HMCN2: variants seen among roughly 807,000 people sequenced by gnomAD.
HMCN2 encodes the protein hemicentin-2.
In HMCN2, 325 loss-of-function variants were observed where a neutral mutation model predicts 377.5. The ratio of observed to expected loss-of-function variants is 0.86; its 90% CI spans 0.79 to 0.94. The LOEUF (loss-of-function observed/expected upper bound fraction) is 0.94, where lower values mean the gene tolerates loss of function less well. Ranked by LOEUF, HMCN2 falls within the 40% of genes least tolerant of loss-of-function variation. The probability of loss-of-function intolerance (pLI) is 0.00; values close to 1 mark genes in which losing one functional copy is unlikely to be tolerated. For synonymous variants in HMCN2, 2,007 were observed against 2,046.8 expected (o/e 0.98, Z 0.53); for missense variants, 4,543 against 4,725.3 (o/e 0.96, Z 1.13).
rs780628746 is a variant in HMCN2, at chr9:130,351,399, C to CT, written c.4431-20dup. The stretch of plus-strand genomic sequence containing the variant: ...ATCCAGCCCCTCGGCCTTACTGGCG[C>CT]TTTTCCCTTGCCCGTCTCTCCAGGC... On this transcript the variant is annotated intron_variant, in intron 29 of 97. Transcript: ENST00000683500. The surrounding 1 kb of genome is among the most constrained non-coding windows in gnomAD (Gnocchi z 5.4). The CT allele has an allele frequency of 8.5e-6, 11 of 1,292,902 alleles. No individual in the cohort carries two copies. The highest frequency in any genetic ancestry group is 2.3e-5 in the Admixed American group (1 of 43,108). The allele number at this position is 1,292,902 out of a possible 1,614,324, so 80.1% of individuals were successfully genotyped here.
intron 1 of HMCN2, among the ~76,000 whole-genome samples, chr9:130,269,266 C>CTT (rs56326154): frequency 3.4e-5 from 4 of 116,540 alleles, no homozygotes; most frequent in East Asian, 2.5e-4. Flanking sequence ...GCCCTGGTTC[C>CTT]TTTTTTTTTT....
At chr9:130,358,279 C>A in intron 35 of HMCN2, 111 bp from the exon 36 acceptor site, 1 of 1,233,102 alleles carries the variant, frequency 8.1e-7, no homozygotes, top group Non-Finnish European at 1.1e-6. Flanking sequence ...CCAAAAGTGT[C>A]CCCATGCCTC....
intron 25 of HMCN2, among the ~76,000 whole-genome samples, chr9:130,346,298 T>G (rs1839388522): frequency 6.6e-6 from 1 of 152,084 alleles, no homozygotes; most frequent in South Asian, 2.1e-4. Context: ...TCAGCTCACA[T>G]AGGACCCCCT....
In HMCN2 at chr9:130,427,424, G is replaced by A. The variant is rs748893219; in HGVS notation, c.13942+49G>A. 2.6e-6 allele frequency: 4 copies of A among 1,550,398 alleles called. No individual in the cohort carries two copies. The South Asian group carries it at 3.6e-5, about 14-fold the overall frequency. On this transcript the variant is annotated intron_variant, in intron 91 of 97. Coordinates refer to ENST00000683500, the MANE Select transcript of HMCN2 (RefSeq NM_001291815.2). ...GGATGTGGGAGGCCTCTCAGCCTGG[G>A]ATGGATGGCTTCTCCCAGCCAGCTG...
chr9:130,293,319 C>T (rs1473642994), intron 4 of HMCN2, among the ~76,000 whole-genome samples: 1 of 62,724 alleles, frequency 1.6e-5, no homozygotes, highest in African/African-American at 1.1e-4. Context: ...TGTTGTCCTC[C>T]TACTGAGAAA....
At chr9:130,348,890 T>C in intron 27 of HMCN2, 94 bp from the exon 28 acceptor site, 1 of 1,229,582 alleles carries the variant, frequency 8.1e-7, no homozygotes, top group South Asian at 1.4e-5. Flanking sequence ...TTCTGGCCAC[T>C]GGCCACCTCT....
chr9:130,352,698 CTG>C (rs1839799326), intron 30 of HMCN2, among the ~76,000 whole-genome samples: 1 of 152,128 alleles, frequency 6.6e-6, no homozygotes. Flanking sequence ...GAATCCAAGC[CTG>C]TGGCCCCGCC....
At position 130,304,240 on chromosome 9, in the gene HMCN2, C is replaced by A. The variant is rs1452846688; in HGVS notation, c.1544-490C>A. Among the ~76,000 whole-genome samples, 1 of 152,162 alleles carries A rather than the reference C, an allele frequency of 6.6e-6. No individual in the cohort carries two copies. The highest frequency in any genetic ancestry group is 1.5e-5 in the Non-Finnish European group (1 of 68,026). On this transcript the variant is annotated intron_variant, in intron 10 of 97. Transcript: ENST00000683500. The surrounding 1 kb of genome is among the most constrained non-coding windows in gnomAD (Gnocchi z 4.3). Reference sequence around the variant, plus strand: ...TTTTCTATGTTCAGCAGTCTCTGATCTTGCCACTTCTTGTGGCTTTTTGCT... The same window carrying A: ...TTTTCTATGTTCAGCAGTCTCTGATATTGCCACTTCTTGTGGCTTTTTGCT...
intron 46 of HMCN2, 127 bp downstream of exon 46, chr9:130,371,258 G>T: frequency 2.5e-6 from 1 of 407,670 alleles, no homozygotes; most frequent in Non-Finnish European, 3.3e-6. Context: ...CATTCCAGCT[G>T]CTGGTCCCCA....
In HMCN2 at chr9:130,392,952, T is replaced by C. The variant is rs542036409; in HGVS notation, c.10137-260T>C. ...CGGAGCTTGCAGTGAGCCGAGATCGTGCCACTGCACTCCAGCCTGGGTGAC... is the reference window on the plus strand; with the variant it reads ...CGGAGCTTGCAGTGAGCCGAGATCGCGCCACTGCACTCCAGCCTGGGTGAC... On this transcript the variant is annotated intron_variant, in intron 66 of 97. Transcript: ENST00000683500. 1.5e-3 allele frequency among the ~76,000 whole-genome samples: 226 copies of C among 150,330 alleles called. 1 individual carries two copies. In the East Asian group the frequency reaches 0.029, roughly 20 times the overall value.
At position 130,347,684 on chromosome 9, in the gene HMCN2, A is replaced by T. The variant is rs1361521664; in HGVS notation, c.4024+324A>T. The stretch of plus-strand genomic sequence containing the variant: ...TGGGGGAAGCACCTGGAATTCCATC[A>T]GTGTCTTTGAGATTGGTCTAGAGGT... On this transcript the variant is annotated intron_variant, in intron 26 of 97. Transcript: ENST00000683500. This position sits in a 1 kb window ranked among gnomAD's most constrained non-coding sequence, Gnocchi z 5.1. Among the ~76,000 whole-genome samples the T allele has an allele frequency of 6.6e-6, 1 of 152,022 alleles. No individual in the cohort carries two copies.
intron 22 of HMCN2, among the ~76,000 whole-genome samples, chr9:130,327,889 G>GTGTCTGGCGGCTGGGC (rs1787746005): frequency 6.6e-6 from 1 of 152,176 alleles, no homozygotes; most frequent in African/African-American, 2.4e-5. Context: ...TGCAGACCAG[G>GTGTCTGGCGGCTGGGC]TGTCTGGCGG....
rs771584645 is a variant in HMCN2 at position 130,356,222 on chromosome 9, G to A, written c.5390G>A (p.Gly1797Asp). Residue 1797 changes from glycine (G) to aspartate (D), a missense_variant, in exon 34 of 98, where the codon GGC (glycine) becomes GAC (aspartate). This residue lies in a region of HMCN2 where 1,032 missense variants were observed against 1,285.1 expected (regional missense o/e 0.80). Coordinates refer to ENST00000683500, the MANE Select transcript of HMCN2 (RefSeq NM_001291815.2). ...LFACQATNEA[G>D]TAGAEVEVSV... is the part of the protein sequence containing the mutation. The stretch of plus-strand genomic sequence containing the variant: ...GCCTGCCAGGCCACCAATGAGGCGG[G>A]CACTGCCGGGGCCGAGGTGGAGGTG... 1.5e-6 allele frequency: 2 copies of A among 1,302,594 alleles called. No individual in the cohort carries two copies. Among genetic ancestry groups the A allele is most frequent in the Middle Eastern group, 2.2e-4 (1 of 4,534 alleles). The allele number at this position is 1,302,594 out of a possible 1,614,324, so 80.7% of individuals were successfully genotyped here.
At chr9:130,290,862 G>GAAAAAAAA (rs34729181) in intron 4 of HMCN2, among the ~76,000 whole-genome samples, 6 of 121,184 alleles carry the variant, frequency 5.0e-5, no homozygotes, top group Non-Finnish European at 5.1e-5. Context: ...AGCTCAGTCT[G>GAAAAAAAA]AAAAAAAAAA....
At position 130,349,152 on chromosome 9, in the gene HMCN2, G is replaced by A. The variant is rs533474561; in HGVS notation, c.4303+21G>A. The A allele has an allele frequency of 2.7e-4, 346 of 1,300,756 alleles. 1 individual carries two copies. The African/African-American group carries it at 4.9e-3, about 18-fold the overall frequency. 80.6% of individuals were successfully genotyped at this position (1,300,756 alleles called of 1,614,324 possible). On this transcript the variant is annotated intron_variant, in intron 28 of 97. Transcript: ENST00000683500. ...GCTCAGTGAGTGAGACCTGAGCCCTGTAACTCCCAAGTGTGTCTGGCCCTG... is the reference window on the plus strand; with the variant it reads ...GCTCAGTGAGTGAGACCTGAGCCCTATAACTCCCAAGTGTGTCTGGCCCTG...
intron 82 of HMCN2, chr9:130,406,800 A>G (rs1273672032): frequency 6.4e-6 from 1 of 155,634 alleles, no homozygotes; most frequent in Non-Finnish European, 1.4e-5. Flanking sequence ...CCATCTGTCA[A>G]ATGGACATAA....
At chr9:130,398,258 G>A (rs999545053) in intron 74 of HMCN2, among the ~76,000 whole-genome samples, 1 of 151,718 alleles carries the variant, frequency 6.6e-6, no homozygotes, top group Non-Finnish European at 1.5e-5. Flanking sequence ...AGATCAGCTT[G>A]TGAGAGGTTG....
In HMCN2 at chr9:130,403,106, CCTCT is replaced by C. The variant is rs1842931387; in HGVS notation, c.11879-81_11879-78del. The C allele has an allele frequency of 4.2e-6, 5 of 1,181,224 alleles. No individual in the cohort carries two copies. The African/African-American group carries it at 4.8e-5, about 11-fold the overall frequency. 73.2% of individuals were successfully genotyped at this position (1,181,224 alleles called of 1,614,324 possible). ...CTAGAACCCCCGTTCTCCTTAGAGG[CCTCT>C]CTCTCTGATGCTCCGAGGCCCGCTG... is the stretch of plus-strand genomic sequence containing the variant. On this transcript the variant is annotated intron_variant, in intron 78 of 97. Transcript: ENST00000683500.
chr9:130,320,656 A>T (rs1426839489), intron 17 of HMCN2, 120 bp from the exon 18 acceptor site: 1 of 152,200 alleles, frequency 6.6e-6, no homozygotes, highest in African/African-American at 2.4e-5. Flanking sequence ...ACCCTTTAGG[A>T]TCCCCAATTC....
Sources: allele counts gnomAD v4.1 joint callset (sites outside exome capture counted in the v4.1 genomes callset), GRCh38; gene constraint gnomAD v4.1.1; regional missense constraint gnomAD v4.1.1; non-coding constraint Gnocchi (gnomAD v3.1); transcripts MANE v1.5; gene names NCBI Gene and HGNC (gene_info 2026-07-23, HGNC 2026-07-21).